The following RNF152 variants were observed in gnomAD, a reference collection of about 807,000 sequenced individuals.
RNF152 encodes ring finger protein 152.
RNF152 carries 11 observed loss-of-function variants against 12.7 expected under a neutral mutation model. That is an observed-to-expected ratio of 0.86 (90% confidence interval 0.54 to 1.43). The LOEUF (loss-of-function observed/expected upper bound fraction) is 1.43. Among genes scored for constraint, RNF152 ranks in the 40% most tolerant of loss-of-function variants. The pLI is 0.00. For missense variants in RNF152, 255 were observed against 274.8 expected (o/e 0.93, Z 0.51); for synonymous variants, 113 against 120.3 (o/e 0.94, Z 0.40).
At position 61,826,973 on chromosome 18, in the gene RNF152, A is replaced by T. The variant is rs8095201; in HGVS notation, c.-135-10375T>A. Among the ~76,000 whole-genome samples, 737 of 152,328 alleles carry T rather than the reference A, an allele frequency of 4.8e-3. 6 individuals carry two copies. The highest frequency in any genetic ancestry group is 0.017 in the African/African-American group (696 of 41,586). Reference sequence around the variant, plus strand: ...ACATAAACAATGGCCATCATTTACCATTATTGAGAACATACAGGAAGGGGT... The same window carrying T: ...ACATAAACAATGGCCATCATTTACCTTTATTGAGAACATACAGGAAGGGGT... On this transcript the variant is annotated intron_variant, in intron 1 of 1. Transcript: ENST00000312828.
chr18:61,890,309 G>A (rs1912897287), intron 1 of RNF152: 1 of 152,174 alleles, frequency 6.6e-6, no homozygotes, highest in Non-Finnish European at 1.5e-5. Context: ...AAGAAATATT[G>A]AATTGTGATT....
At chr18:61,853,099 T>C (rs1911059092) in intron 1 of RNF152, among the ~76,000 whole-genome samples, 1 of 152,142 alleles carries the variant, frequency 6.6e-6, no homozygotes, top group Non-Finnish European at 1.5e-5. Context: ...CTACAAGAAC[T>C]GGGATAGGCA....
intron 1 of RNF152, among the ~76,000 whole-genome samples, chr18:61,884,747 C>T (rs1209012775): frequency 1.3e-5 from 2 of 152,110 alleles, no homozygotes; most frequent in East Asian, 1.9e-4. Flanking sequence ...TTAGTAGAGA[C>T]GGGGTTTCTC....
Position 61,833,315 on chromosome 18 carries a change from CA to C in RNF152, c.-135-16718del, listed in dbSNP as rs577645072. Among the ~76,000 whole-genome samples the C allele has an allele frequency of 6.0e-4, 91 of 152,318 alleles. 3 individuals are homozygous for C. The highest frequency in any genetic ancestry group is 1.0e-3 in the South Asian group (5 of 4,820). ...AAAATAATTCTCTAACTAATACTCT[CA>C]AGTTATTGAGTAACTTAAAATAAAA... On this transcript the variant is annotated intron_variant, in intron 1 of 1. Coordinates refer to ENST00000312828, the MANE Select transcript of RNF152 (RefSeq NM_173557.3).
intron 1 of RNF152, among the ~76,000 whole-genome samples, chr18:61,865,558 CT>C (rs1429851151): frequency 6.6e-6 from 1 of 152,196 alleles, no homozygotes; most frequent in Non-Finnish European, 1.5e-5. Context: ...CCTTTATAGA[CT>C]TTGTTGAATT....
rs551168020 is a variant in RNF152, at chr18:61,808,188, A to C, written c.*7664T>G. The C allele has an allele frequency of 6.6e-6, 1 of 152,234 alleles. No individual in the cohort carries two copies. The highest frequency in any genetic ancestry group is 1.9e-4 in the East Asian group (1 of 5,176). The allele number at this position is 152,234 out of a possible 1,614,324, so 9.4% of individuals were successfully genotyped here. A position where few individuals can be genotyped will look rare whatever the true frequency, so the allele number is the denominator to read the frequency against. On this transcript the variant is annotated 3_prime_UTR_variant, in exon 2 of 2. Coordinates refer to ENST00000312828, the MANE Select transcript of RNF152 (RefSeq NM_173557.3). Reference sequence around the variant, plus strand: ...TTGGCATACAAAAATACCATATATTAAAATTGGGTTCATTGGAAAACTCAG... The same window carrying C: ...TTGGCATACAAAAATACCATATATTCAAATTGGGTTCATTGGAAAACTCAG...
intron 1 of RNF152, among the ~76,000 whole-genome samples, chr18:61,879,395 T>C (rs1912355724): frequency 6.6e-6 from 1 of 152,210 alleles, no homozygotes; most frequent in Non-Finnish European, 1.5e-5. Context: ...TGGCATATCA[T>C]ATCAGGGACT....
intron 1 of RNF152, among the ~76,000 whole-genome samples, chr18:61,857,599 C>A (rs1911281834): frequency 6.6e-6 from 1 of 152,040 alleles, no homozygotes; most frequent in Non-Finnish European, 1.5e-5. Flanking sequence ...TTTAAATGAC[C>A]ACATCTTCCA....
chr18:61,874,774 T>C (rs1380091170), intron 1 of RNF152, among the ~76,000 whole-genome samples: 2 of 152,236 alleles, frequency 1.3e-5, no homozygotes, highest in Non-Finnish European at 1.5e-5. Context: ...GGGTATCTAA[T>C]CCCAGTCTGG....
At chr18:61,826,952 A>G (rs1275722275) in intron 1 of RNF152, among the ~76,000 whole-genome samples, 1 of 152,240 alleles carries the variant, frequency 6.6e-6, no homozygotes, top group African/African-American at 2.4e-5. Context: ...CAAAGAACAT[A>G]AACAATGGCC....
intron 1 of RNF152, among the ~76,000 whole-genome samples, chr18:61,889,231 TG>T (rs1368271853): frequency 1.3e-5 from 2 of 152,212 alleles, no homozygotes; most frequent in African/African-American, 4.8e-5. Flanking sequence ...CACTGTGACT[TG>T]GAGACTAACA....
At chr18:61,885,554 C>A (rs909681893) in intron 1 of RNF152, among the ~76,000 whole-genome samples, 7 of 151,978 alleles carry the variant, frequency 4.6e-5, no homozygotes, top group Non-Finnish European at 8.8e-5. Flanking sequence ...GTAATCCACC[C>A]GCCTCAGCCT....
intron 1 of RNF152, among the ~76,000 whole-genome samples, chr18:61,890,027 G>A (rs1225910005): frequency 6.6e-6 from 1 of 152,166 alleles, no homozygotes; most frequent in African/African-American, 2.4e-5. Context: ...GATGACCAGT[G>A]TACAACCATG....
intron 1 of RNF152, among the ~76,000 whole-genome samples, chr18:61,820,556 T>G (rs1392509267): frequency 6.6e-6 from 1 of 151,934 alleles, no homozygotes; most frequent in Non-Finnish European, 1.5e-5. Context: ...ATTGCTCACG[T>G]TGAGCTACGG....
chr18:61,882,178 T>C (rs1228170788), intron 1 of RNF152, among the ~76,000 whole-genome samples: 2 of 152,244 alleles, frequency 1.3e-5, no homozygotes, highest in African/African-American at 4.8e-5. Context: ...AATGTTTGAA[T>C]ATTAAGTGTA....
chr18:61,879,953 G>A (rs112031350), intron 1 of RNF152, among the ~76,000 whole-genome samples: 2,312 of 144,468 alleles, frequency 0.016, 34 homozygotes, highest in Middle Eastern at 0.073. Context: ...CAACAAGAGC[G>A]AAACTCCATC....
intron 1 of RNF152, among the ~76,000 whole-genome samples, chr18:61,842,009 G>T (rs970498497): frequency 9.9e-5 from 15 of 152,174 alleles, no homozygotes; most frequent in Non-Finnish European, 1.9e-4. Context: ...GAGGTGGGTT[G>T]CATTTGACCC....
chr18:61,820,020 CAAAAA>C (rs1165545204), intron 1 of RNF152, among the ~76,000 whole-genome samples: 6 of 64,384 alleles, frequency 9.3e-5, no homozygotes, highest in Non-Finnish European at 1.7e-4. Context: ...GACACTATCT[CAAAAA>C]AAAAAAAAAA....
chr18:61,835,206 A>G (rs769758682), intron 1 of RNF152, among the ~76,000 whole-genome samples: 5 of 152,254 alleles, frequency 3.3e-5, no homozygotes, highest in Admixed American at 1.3e-4. Context: ...AGTACAAAAT[A>G]GCATATTTAC....
Sources: gnomAD v4.1 joint callset for allele counts (sites outside exome capture counted in the v4.1 genomes callset) on GRCh38, gnomAD v4.1.1 for gene constraint, MANE v1.5 for transcripts, NCBI Gene and HGNC (gene_info 2026-07-23, HGNC 2026-07-21) for gene names.